The following FHIT variants were observed in gnomAD, a reference collection of about 807,000 sequenced individuals.
FHIT encodes the protein bis(5'-adenosyl)-triphosphatase.
Under a neutral mutation model 17.9 loss-of-function variants are expected in FHIT, and 19 were observed. The observed-to-expected ratio is 1.06, with a 90% CI of 0.74 to 1.56. The LOEUF (loss-of-function observed/expected upper bound fraction) is 1.56, where lower values mean the gene tolerates loss of function less well. Ranked by LOEUF, FHIT falls within the 40% of genes most tolerant of loss-of-function variation. The pLI, the probability that FHIT is intolerant of heterozygous loss-of-function variation, is 0.00. For missense variants in FHIT, 248 were observed against 189.2 expected (o/e 1.31, Z -1.82); for synonymous variants, 81 against 69.7 (o/e 1.16, Z -0.81).
chr3:60,980,249 A>G (rs1225154497), intron 3 of FHIT, among the ~76,000 whole-genome samples: 1 of 152,240 alleles, frequency 6.6e-6, no homozygotes, highest in Non-Finnish European at 1.5e-5. Context: ...AAGGATAAAA[A>G]AAATAAACAC....
intron 5 of FHIT, among the ~76,000 whole-genome samples, chr3:60,015,411 G>A (rs115168656): frequency 0.01 from 1,548 of 152,214 alleles, 21 homozygotes; most frequent in African/African-American, 0.035. Context: ...AGAGGAGAAG[G>A]GAGGCGTTCA....
At chr3:60,982,872 G>T (rs1347864302) in intron 3 of FHIT, among the ~76,000 whole-genome samples, 5 of 152,162 alleles carry the variant, frequency 3.3e-5, no homozygotes, top group African/African-American at 1.2e-4. Flanking sequence ...TTTTTACAGT[G>T]AGGAAGTGGA....
chr3:60,954,927 C>T (rs1709045616), intron 3 of FHIT, among the ~76,000 whole-genome samples: 1 of 152,152 alleles, frequency 6.6e-6, no homozygotes, highest in African/African-American at 2.4e-5. Context: ...ACACCATCAA[C>T]CAAACAGACT....
chr3:59,991,732 C>T (rs555527874), intron 7 of FHIT, among the ~76,000 whole-genome samples: 26 of 152,038 alleles, frequency 1.7e-4, no homozygotes, highest in Non-Finnish European at 3.2e-4. Context: ...AACTGCTCAA[C>T]AGTCGTTGTC....
intron 5 of FHIT, among the ~76,000 whole-genome samples, chr3:60,129,049 G>GTTGTTTTT (rs759645654): frequency 0.02 from 2,438 of 120,748 alleles, 96 homozygotes; most frequent in South Asian, 0.05. Context: ...TTCCTTTTTT[G>GTTGTTTTT]TTTGTTTTTT....
intron 8 of FHIT, among the ~76,000 whole-genome samples, chr3:59,760,499 A>C (rs1192364967): frequency 6.6e-6 from 1 of 151,970 alleles, no homozygotes; most frequent in Non-Finnish European, 1.5e-5. Context: ...TATGTACCCT[A>C]TATAAACCTC....
At chr3:60,026,027 A>C (rs529737549) in intron 5 of FHIT, among the ~76,000 whole-genome samples, 1 of 150,850 alleles carries the variant, frequency 6.6e-6, no homozygotes, top group Non-Finnish European at 1.5e-5. Flanking sequence ...AAAGGGGGGG[A>C]AAGAAAAGTT....
intron 7 of FHIT, among the ~76,000 whole-genome samples, chr3:59,948,124 T>C (rs1227879193): frequency 1.3e-5 from 2 of 152,180 alleles, no homozygotes; most frequent in East Asian, 3.9e-4. Flanking sequence ...GTACAGATTT[T>C]TGTGTACACA....
intron 3 of FHIT, among the ~76,000 whole-genome samples, chr3:60,914,446 G>A (rs1706900784): frequency 6.6e-6 from 1 of 151,926 alleles, no homozygotes; most frequent in Non-Finnish European, 1.5e-5. Flanking sequence ...TGGAAGGGGA[G>A]GAGAATGGCC....
Position 60,724,649 on chromosome 3 carries a change from T to G in FHIT, c.-18+97270A>C, listed in dbSNP as rs190814747. Among the ~76,000 whole-genome samples, 11 of 139,336 alleles carry G rather than the reference T, an allele frequency of 7.9e-5. No homozygotes were observed. The East Asian group carries it at 2.2e-3, about 27-fold the overall frequency. The allele number at this position is 139,336 out of a possible 152,430, so 91.4% of individuals were successfully genotyped here. A position where few individuals can be genotyped will look rare whatever the true frequency, so the allele number is the denominator to read the frequency against. ...CTAATAGTTACTATTAACTGTCTGTTTTTTTTTTTTGTTTTTTTTTTTTTT... is the reference window on the plus strand; with the variant it reads ...CTAATAGTTACTATTAACTGTCTGTGTTTTTTTTTTGTTTTTTTTTTTTTT... On this transcript the variant is annotated intron_variant, in intron 4 of 9. Coordinates refer to ENST00000492590, the MANE Select transcript of FHIT (RefSeq NM_002012.4).
At chr3:60,876,891 C>T (rs1375188923) in intron 3 of FHIT, among the ~76,000 whole-genome samples, 13 of 152,138 alleles carry the variant, frequency 8.5e-5, no homozygotes, top group Non-Finnish European at 1.8e-4. Flanking sequence ...AGGACAGCCA[C>T]AAAGAGAATG....
At chr3:60,123,461 T>C (rs2107229255) in intron 5 of FHIT, among the ~76,000 whole-genome samples, 1 of 152,202 alleles carries the variant, frequency 6.6e-6, no homozygotes, top group Non-Finnish European at 1.5e-5. Context: ...GTAACCTCAA[T>C]AAATACAAAC....
chr3:61,146,758 G>T (rs546605092), intron 2 of FHIT, among the ~76,000 whole-genome samples: 1 of 151,800 alleles, frequency 6.6e-6, no homozygotes, highest in African/African-American at 2.4e-5. Flanking sequence ...AATTCCTCAG[G>T]GTATATGCAA....
intron 5 of FHIT, among the ~76,000 whole-genome samples, chr3:60,347,682 G>C (rs1042711775): frequency 2.8e-5 from 4 of 142,964 alleles, no homozygotes; most frequent in Admixed American, 2.1e-4. Context: ...GTTTGGGGGG[G>C]GGGGGGGTTT....
intron 3 of FHIT, among the ~76,000 whole-genome samples, chr3:60,827,830 A>C (rs1024755518): frequency 1.3e-5 from 2 of 152,198 alleles, no homozygotes; most frequent in African/African-American, 4.8e-5. Context: ...CTGTTCCTGG[A>C]CAGAAGCAAG....
chr3:60,926,043 C>T (rs1363403879), intron 3 of FHIT, among the ~76,000 whole-genome samples: 1 of 152,148 alleles, frequency 6.6e-6, no homozygotes, highest in Non-Finnish European at 1.5e-5. Context: ...CAGGAGCACC[C>T]AGATTCATAA....
At chr3:60,717,518 T>C (rs2041712518) in intron 4 of FHIT, among the ~76,000 whole-genome samples, 1 of 151,904 alleles carries the variant, frequency 6.6e-6, no homozygotes, top group Non-Finnish European at 1.5e-5. Flanking sequence ...TCAAACAGAG[T>C]ATCTGAGGAG....
At chr3:60,736,513 C>A (rs1374023740) in intron 4 of FHIT, among the ~76,000 whole-genome samples, 1 of 152,144 alleles carries the variant, frequency 6.6e-6, no homozygotes, top group Non-Finnish European at 1.5e-5. Context: ...GCCTTGAAAA[C>A]ATTATGCTAT....
intron 4 of FHIT, among the ~76,000 whole-genome samples, chr3:60,703,934 T>C (rs1443095127): frequency 1.3e-5 from 2 of 152,160 alleles, no homozygotes; most frequent in Admixed American, 6.6e-5. Context: ...AATGTATATA[T>C]ACTTTTCTAA....
Sources: allele counts gnomAD v4.1 joint callset (sites outside exome capture counted in the v4.1 genomes callset), GRCh38; gene constraint gnomAD v4.1.1; transcripts MANE v1.5; gene names NCBI Gene and HGNC (gene_info 2026-07-23, HGNC 2026-07-21).